Variants in NDST4 observed in about 807,000 individuals in gnomAD.
The protein encoded by NDST4 is N-deacetylase and N-sulfotransferase 4.
A neutral mutation model predicts 100.8 loss-of-function variants in NDST4; 63 were observed. The ratio of observed to expected loss-of-function variants is 0.62; its 90% confidence interval spans 0.51 to 0.77. NDST4 has a LOEUF of 0.77. Among genes scored for constraint, NDST4 ranks in the 30% least tolerant of loss-of-function variants. The pLI is 0.00. For synonymous variants in NDST4, 377 were observed against 361.8 expected, an observed-to-expected ratio of 1.04 and a Z score of -0.48; for missense variants, 943 against 1,018.4, an observed-to-expected ratio of 0.93 and a Z score of 1.01.
chr4:114,912,421 C>T (rs1725080525), intron 6 of NDST4, among the ~76,000 whole-genome samples: 2 of 152,104 alleles, frequency 1.3e-5, no homozygotes, highest in Admixed American at 1.3e-4. Context: ...CAAAACCATT[C>T]TCCCCAATTA....
At chr4:115,080,459 T>G (rs1729277905) in intron 1 of NDST4, among the ~76,000 whole-genome samples, 1 of 152,114 alleles carries the variant, frequency 6.6e-6, no homozygotes, top group African/African-American at 2.4e-5. Flanking sequence ...TTAATGTAAT[T>G]GTCTGCTTTG....
intron 7 of NDST4, among the ~76,000 whole-genome samples, chr4:114,869,892 G>A (rs1234627079): frequency 6.6e-6 from 1 of 152,142 alleles, no homozygotes; most frequent in Admixed American, 6.6e-5. Context: ...AGAGTGGCAT[G>A]TAATATGATT....
At chr4:114,942,069 A>G (rs1244459404) in intron 4 of NDST4, among the ~76,000 whole-genome samples, 1 of 152,270 alleles carries the variant, frequency 6.6e-6, no homozygotes, top group Non-Finnish European at 1.5e-5. Flanking sequence ...CTAGCTGGAT[A>G]CTATCATGTA....
At chr4:115,101,819 G>T (rs919553103) in intron 1 of NDST4, among the ~76,000 whole-genome samples, 3 of 152,106 alleles carry the variant, frequency 2.0e-5, no homozygotes, top group Non-Finnish European at 4.4e-5. Context: ...ATGCTTATTA[G>T]CAGGTGAGAA....
chr4:114,941,973 T>C (rs891228350), intron 4 of NDST4, among the ~76,000 whole-genome samples: 1 of 152,244 alleles, frequency 6.6e-6, no homozygotes, highest in Non-Finnish European at 1.5e-5. Context: ...GTGGTTTAAG[T>C]TCTAAGAAAA....
intron 6 of NDST4, among the ~76,000 whole-genome samples, chr4:114,902,042 G>A (rs1293816805): frequency 6.6e-6 from 1 of 151,952 alleles, no homozygotes; most frequent in East Asian, 1.9e-4. Context: ...ACACATATAT[G>A]AAACATACAA....
At chr4:115,040,600 G>A (rs2126273934) in intron 2 of NDST4, among the ~76,000 whole-genome samples, 1 of 151,982 alleles carries the variant, frequency 6.6e-6, no homozygotes, top group Middle Eastern at 3.4e-3. Flanking sequence ...CCAAAGCTGG[G>A]AATATATTTT....
intron 11 of NDST4, among the ~76,000 whole-genome samples, chr4:114,838,673 G>T (rs896928324): frequency 6.6e-6 from 1 of 152,128 alleles, no homozygotes; most frequent in South Asian, 2.1e-4. Context: ...TGTCAGGGGT[G>T]TGGGGCAAGG....
intron 2 of NDST4, among the ~76,000 whole-genome samples, chr4:115,061,887 A>G (rs1728832070): frequency 6.6e-6 from 1 of 152,110 alleles, no homozygotes; most frequent in African/African-American, 2.4e-5. Flanking sequence ...CTTTAAATAA[A>G]TGATATTAAA....
chr4:114,996,009 T>G (rs770872130), intron 2 of NDST4, among the ~76,000 whole-genome samples: 52 of 152,144 alleles, frequency 3.4e-4, no homozygotes, highest in Admixed American at 3.0e-3. Context: ...AGAATGATCA[T>G]AATATTGCTG....
chr4:115,071,938 A>T (rs926415695), intron 2 of NDST4, among the ~76,000 whole-genome samples: 3 of 152,152 alleles, frequency 2.0e-5, no homozygotes, highest in Non-Finnish European at 4.4e-5. Context: ...CAAATTTCTC[A>T]TATTTATTCA....
At chr4:114,915,823 G>A (rs1411917904) in intron 6 of NDST4, among the ~76,000 whole-genome samples, 1 of 151,834 alleles carries the variant, frequency 6.6e-6, no homozygotes, top group Non-Finnish European at 1.5e-5. Flanking sequence ...AAAAGAAGAA[G>A]GAGGAGAAGG....
intron 4 of NDST4, among the ~76,000 whole-genome samples, chr4:114,957,442 T>A (rs567604831): frequency 3.9e-5 from 6 of 152,268 alleles, no homozygotes; most frequent in Admixed American, 1.3e-4. Context: ...ATGATTCAAT[T>A]ATTCAATTAC....
chr4:114,896,555 C>T (rs944632628), intron 6 of NDST4, among the ~76,000 whole-genome samples: 8 of 148,166 alleles, frequency 5.4e-5, no homozygotes, highest in Middle Eastern at 3.5e-3. Flanking sequence ...ACTCAGGAGG[C>T]GGAGGTTGCA....
intron 1 of NDST4, among the ~76,000 whole-genome samples, chr4:115,094,507 A>T (rs1265034754): frequency 1.3e-5 from 2 of 152,228 alleles, no homozygotes; most frequent in African/African-American, 4.8e-5. Flanking sequence ...ATTTGTAAAC[A>T]AACATAAACC....
intron 9 of NDST4, 113 bp downstream of exon 9, chr4:114,848,101 CA>C: frequency 1.2e-6 from 1 of 857,494 alleles, no homozygotes; most frequent in Non-Finnish European, 1.7e-6. Context: ...ATTTCTAATT[CA>C]CTGTGGTGAA....
At chr4:114,957,876 G>A (rs1057000747) in intron 4 of NDST4, among the ~76,000 whole-genome samples, 3 of 152,178 alleles carry the variant, frequency 2.0e-5, no homozygotes, top group African/African-American at 7.2e-5. Flanking sequence ...CTCACATCCA[G>A]ATCATACTGA....
At chr4:114,935,177 A>C in intron 6 of NDST4, 29 bp downstream of exon 6, 2 of 1,456,672 alleles carry the variant, frequency 1.4e-6, no homozygotes, top group South Asian at 3.1e-5. Flanking sequence ...TGCTAATCTT[A>C]TTGTAAGGTG....
chr4:114,874,109 G>A (rs1355320147), intron 6 of NDST4, among the ~76,000 whole-genome samples: 2 of 151,920 alleles, frequency 1.3e-5, no homozygotes, highest in East Asian at 1.9e-4. Context: ...TGAAAAAAAA[G>A]AAGGAATTGT....
Sources: allele counts gnomAD v4.1 joint callset (sites outside exome capture counted in the v4.1 genomes callset), GRCh38; gene constraint gnomAD v4.1.1; transcripts MANE v1.5; gene names NCBI Gene and HGNC (gene_info 2026-07-23, HGNC 2026-07-21).